The following TENM1 variants were observed in gnomAD, a reference collection of about 807,000 sequenced individuals.
TENM1 encodes teneurin transmembrane protein 1.
Under a neutral mutation model 174.8 loss-of-function variants are expected in TENM1, and 35 were observed. The observed-to-expected ratio is 0.20, with a 90% confidence interval of 0.15 to 0.27. The LOEUF (loss-of-function observed/expected upper bound fraction) is 0.27. Ranked by LOEUF, TENM1 falls within the 10% of genes least tolerant of loss-of-function variation. TENM1 has a pLI of 1.00. For missense variants in TENM1, 1,633 were observed against 2,130.1 expected (o/e 0.77, Z 4.59); for synonymous variants, 781 against 798.7 (o/e 0.98, Z 0.37).
At chrX:125,039,825 C>CTTTTTTTTTTTTTTTTTTTTTTT in the TENM1 span, among the ~76,000 whole-genome samples, 2 of 111,340 alleles carry the variant, frequency 1.8e-5, no homozygotes, top group African/African-American at 6.5e-5. Flanking sequence ...TGAGCCTTTT[C>CTTTTTTTTTTTTTTTTTTTTTTT]TTATTAACCT....
intron 23 of TENM1, among the ~76,000 whole-genome samples, chrX:124,452,600 G>C (rs1810175289): frequency 1.8e-5 from 2 of 111,117 alleles, no homozygotes; most frequent in African/African-American, 6.6e-5. Flanking sequence ...ATTCACAATA[G>C]CAAAGACCTG....
intron 18 of TENM1, 92 bp downstream of exon 21, chrX:124,520,425 A>C: frequency 1.1e-6 from 1 of 919,514 alleles, no homozygotes; most frequent in Non-Finnish European, 1.5e-6. Context: ...GAAGAAAATC[A>C]GTAATTATTC....
intron 3 of TENM1, among the ~76,000 whole-genome samples, chrX:124,857,093 T>C (rs2056828237): frequency 9.0e-6 from 1 of 111,395 alleles, no homozygotes; most frequent in Non-Finnish European, 1.9e-5. Context: ...AGTCACTGTC[T>C]TATGAGCTGC....
intron 3 of TENM1, among the ~76,000 whole-genome samples, chrX:124,846,235 G>GTTTCTTTAAA (rs2056605782): frequency 9.0e-6 from 1 of 110,862 alleles, no homozygotes; most frequent in Admixed American, 9.6e-5. Flanking sequence ...TCAAGCAGCA[G>GTTTCTTTAAA]GTGGTGACCA....
intron 3 of TENM1, among the ~76,000 whole-genome samples, chrX:124,893,408 A>G (rs1020191588): frequency 3.5e-5 from 4 of 112,816 alleles, no homozygotes; most frequent in Non-Finnish European, 5.6e-5. Flanking sequence ...TGTTTCACAG[A>G]GTGGTCATAA....
the TENM1 span, among the ~76,000 whole-genome samples, chrX:125,181,322 C>T: frequency 9.0e-6 from 1 of 111,403 alleles, no homozygotes; most frequent in Non-Finnish European, 1.9e-5. Flanking sequence ...AAAGCATATG[C>T]ACTTACCCTC....
At chrX:124,743,967 T>C (rs2053859323) in intron 3 of TENM1, among the ~76,000 whole-genome samples, 1 of 111,821 alleles carries the variant, frequency 8.9e-6, no homozygotes, top group Non-Finnish European at 1.9e-5. Context: ...GCATACAAGT[T>C]AGTCAAAGAT....
At chrX:124,722,529 CAAAGG>C (rs2148523038) in intron 4 of TENM1, among the ~76,000 whole-genome samples, 1 of 111,124 alleles carries the variant, frequency 9.0e-6, no homozygotes, top group Non-Finnish European at 1.9e-5. Context: ...ATCCTCCTCC[CAAAGG>C]TGAGGATTAA....
chrX:125,181,589 G>T, the TENM1 span, among the ~76,000 whole-genome samples: 2 of 111,444 alleles, frequency 1.8e-5, no homozygotes, highest in African/African-American at 6.5e-5. Flanking sequence ...GGTGTCCCAT[G>T]AAAGAAAAAA....
the TENM1 span, among the ~76,000 whole-genome samples, chrX:125,155,866 G>A: frequency 1.8e-5 from 2 of 112,445 alleles, no homozygotes; most frequent in Non-Finnish European, 3.8e-5. Flanking sequence ...CGCAAGCTGA[G>A]GGAGCCGGCT....
intron 3 of TENM1, among the ~76,000 whole-genome samples, chrX:124,802,136 C>T (rs2055469994): frequency 8.9e-6 from 1 of 111,898 alleles, no homozygotes; most frequent in African/African-American, 3.3e-5. Context: ...ATCCTCCTTC[C>T]AGTTCTGTCC....
rs779602692 is a variant in TENM1 at position 124,855,311 on chromosome X, C to T, written c.535+38985G>A. ...TTTATTTATAATTTTTCTGTCTTTT[C>T]TCTTTTCTTACCTGATTTGGGAATT... On this transcript the variant is annotated intron_variant, in intron 3 of 31. Transcript: ENST00000422452. 4.5e-5 allele frequency among the ~76,000 whole-genome samples: 5 copies of T among 111,295 alleles called. No individual in the cohort carries two copies. In the South Asian group the frequency reaches 1.9e-3, roughly 42 times the overall value.
chrX:124,876,809 C>T (rs2057211907), intron 3 of TENM1, among the ~76,000 whole-genome samples: 1 of 111,666 alleles, frequency 9.0e-6, no homozygotes, highest in Admixed American at 9.5e-5. Flanking sequence ...TGAGATTATC[C>T]ATTCCAACAT....
chrX:125,145,855 T>C, the TENM1 span, among the ~76,000 whole-genome samples: 1 of 112,081 alleles, frequency 8.9e-6, no homozygotes, highest in South Asian at 3.7e-4. Flanking sequence ...ATAGAAGCCA[T>C]AATGATTCAG....
chrX:124,975,340 T>A, the TENM1 span, among the ~76,000 whole-genome samples: 4 of 111,531 alleles, frequency 3.6e-5, no homozygotes, highest in Non-Finnish European at 7.5e-5. Flanking sequence ...TAAACAATCA[T>A]ATTCAATTCA....
At chrX:124,882,232 G>A (rs1353815393) in intron 3 of TENM1, among the ~76,000 whole-genome samples, 2 of 112,168 alleles carry the variant, frequency 1.8e-5, no homozygotes, top group Non-Finnish European at 3.8e-5. Flanking sequence ...TTGATATGAT[G>A]TTGATTTTTA....
At chrX:124,875,457 TA>T (rs2057181485) in intron 3 of TENM1, among the ~76,000 whole-genome samples, 1 of 110,347 alleles carries the variant, frequency 9.1e-6, no homozygotes, top group Non-Finnish European at 1.9e-5. Context: ...CTAAAAATAA[TA>T]AAATTATACC....
chrX:125,138,721 C>A, the TENM1 span, among the ~76,000 whole-genome samples: 12 of 110,863 alleles, frequency 1.1e-4, no homozygotes, highest in Non-Finnish European at 2.3e-4. Flanking sequence ...AATATTGTTT[C>A]TTGATCTAGG....
At chrX:124,886,522 C>CAT (rs3056632) in intron 3 of TENM1, among the ~76,000 whole-genome samples, 1,515 of 74,739 alleles carry the variant, frequency 0.02, 16 homozygotes, top group East Asian at 0.044. Context: ...AAAACATATA[C>CAT]ATATATATAT....
Sources: gnomAD v4.1 joint callset for allele counts (sites outside exome capture counted in the v4.1 genomes callset) on GRCh38, gnomAD v4.1.1 for gene constraint, MANE v1.5 for transcripts, NCBI Gene and HGNC (gene_info 2026-07-23, HGNC 2026-07-21) for gene names.